The following MAP2K4 variants were observed in gnomAD, a reference collection of about 807,000 sequenced individuals.
The protein encoded by MAP2K4 is dual specificity mitogen-activated protein kinase kinase 4.
A neutral mutation model predicts 48.5 loss-of-function variants in MAP2K4; 4 were observed. The observed-to-expected ratio is 0.08, with a 90% CI of 0.04 to 0.19. MAP2K4 has a LOEUF of 0.19. Among genes scored for constraint, MAP2K4 ranks in the 10% least tolerant of loss-of-function variants. The pLI, the probability that MAP2K4 is intolerant of heterozygous loss-of-function variation, is 1.00. For missense variants in MAP2K4, 258 were observed against 493.3 expected, an observed-to-expected ratio of 0.52 and a Z score of 4.52; for synonymous variants, 166 against 173.1, an observed-to-expected ratio of 0.96 and a Z score of 0.32.
At chr17:12,125,218 A>T (rs552530500) in intron 7 of MAP2K4, 76 bp from the exon 8 acceptor site, 1 of 1,041,546 alleles carries the variant, frequency 9.6e-7, no homozygotes, top group African/African-American at 1.6e-5. Flanking sequence ...TTGGCTGTCT[A>T]CCCAGCTGTT....
At chr17:12,141,114 C>A in intron 10 of MAP2K4, 33 bp from the exon 11 acceptor site, 1 of 1,408,830 alleles carries the variant, frequency 7.1e-7, no homozygotes, top group Non-Finnish European at 1.0e-6. Context: ...GTCATACAAA[C>A]TTTTGACTTT....
At chr17:12,108,002 A>ATAT in intron 5 of MAP2K4, 93 bp downstream of exon 5, 1 of 1,134,752 alleles carries the variant, frequency 8.8e-7, no homozygotes, top group Non-Finnish European at 1.2e-6. Context: ...TGTCACTCAC[A>ATAT]GTACCTTCCT....
intron 1 of MAP2K4, among the ~76,000 whole-genome samples, chr17:12,045,858 A>T (rs1190497739): frequency 6.6e-6 from 1 of 152,198 alleles, no homozygotes; most frequent in Non-Finnish European, 1.5e-5. Context: ...TGATATACTC[A>T]CAAGTTCGAG....
intron 2 of MAP2K4, among the ~76,000 whole-genome samples, chr17:12,064,578 G>A (rs979125561): frequency 1.3e-5 from 2 of 152,196 alleles, no homozygotes; most frequent in Non-Finnish European, 2.9e-5. Flanking sequence ...CAATATCTTG[G>A]CAAATATGTG....
intron 4 of MAP2K4, 140 bp from the exon 5 acceptor site, chr17:12,107,650 A>T: frequency 1.3e-6 from 1 of 759,914 alleles, no homozygotes; most frequent in Non-Finnish European, 2.1e-6. Context: ...AGGCTTTAAC[A>T]AGAAAACAAA....
chr17:12,096,076 C>T lies in MAP2K4; in HGVS notation c.513+382C>T, dbSNP rs1454641401. On this transcript the variant is annotated intron_variant, in intron 4 of 10. Transcript: ENST00000353533. Reference sequence around the variant, plus strand: ...GGCCTTGAGCAACGCCTCCCCCCCCCCCCCCCCCCCCCGCCGCCAACTTTA... The same window carrying T: ...GGCCTTGAGCAACGCCTCCCCCCCCTCCCCCCCCCCCCGCCGCCAACTTTA... Among the ~76,000 whole-genome samples, 106 of 21,890 alleles carry T rather than the reference C, an allele frequency of 4.8e-3. 9 individuals carry two copies. Among genetic ancestry groups the T allele is most frequent in the Non-Finnish European group, 0.021 (91 of 4,372 alleles). 14.4% of individuals were successfully genotyped at this position (21,890 alleles called of 152,430 possible).
intron 5 of MAP2K4, 22 bp from the exon 6 acceptor site, chr17:12,110,353 C>A (rs374807171): frequency 3.2e-6 from 5 of 1,581,828 alleles, no homozygotes; most frequent in Non-Finnish European, 4.3e-6. Context: ...TTGTTTATCC[C>A]ATCTCTCCTT....
chr17:12,087,945 G>GAAGA (rs1257450622), intron 3 of MAP2K4, among the ~76,000 whole-genome samples: 1 of 151,990 alleles, frequency 6.6e-6, no homozygotes, highest in African/African-American at 2.4e-5. Context: ...GATCTATTTA[G>GAAGA]AAGACTCTAG....
At chr17:12,037,074 G>A (rs1969624707) in intron 1 of MAP2K4, among the ~76,000 whole-genome samples, 1 of 152,004 alleles carries the variant, frequency 6.6e-6, no homozygotes, top group Non-Finnish European at 1.5e-5. Flanking sequence ...CATAGCAACA[G>A]GATATTTATT....
At chr17:12,069,637 T>C in intron 2 of MAP2K4, 1 of 942,446 alleles carries the variant, frequency 1.1e-6, no homozygotes, top group Non-Finnish European at 1.3e-6. Flanking sequence ...CATTTTTCAG[T>C]TTTTCCTTTT....
intron 1 of MAP2K4, chr17:12,021,599 G>T (rs1401518281): frequency 7.3e-6 from 1 of 137,278 alleles, no homozygotes; most frequent in Non-Finnish European, 1.6e-5. Context: ...CAGGGTTTCT[G>T]TGCGCTGGAA....
At chr17:12,114,736 C>T (rs1480822598) in intron 7 of MAP2K4, among the ~76,000 whole-genome samples, 2 of 152,124 alleles carry the variant, frequency 1.3e-5, no homozygotes, top group Non-Finnish European at 2.9e-5. Context: ...TTGATTGAAG[C>T]AGGCTTTGAA....
At chr17:12,037,271 A>G (rs1969631442) in intron 1 of MAP2K4, among the ~76,000 whole-genome samples, 1 of 152,210 alleles carries the variant, frequency 6.6e-6, no homozygotes. Flanking sequence ...AAAGGAAACC[A>G]TAAAGAGGAA....
chr17:12,043,127 T>C (rs921924819), intron 1 of MAP2K4, among the ~76,000 whole-genome samples: 1 of 152,188 alleles, frequency 6.6e-6, no homozygotes, highest in African/African-American at 2.4e-5. Context: ...CTTGATAATA[T>C]TTTCATACCT....
chr17:12,091,562 AT>A (rs537858817), intron 3 of MAP2K4, among the ~76,000 whole-genome samples: 5 of 151,864 alleles, frequency 3.3e-5, no homozygotes, highest in Non-Finnish European at 5.9e-5. Flanking sequence ...GCTTTTTGGA[AT>A]TTTTTTTTAA....
intron 9 of MAP2K4, among the ~76,000 whole-genome samples, chr17:12,137,941 C>A (rs529456361): frequency 2.7e-4 from 41 of 151,478 alleles, no homozygotes; most frequent in African/African-American, 9.4e-4. Flanking sequence ...CTTTGTTTAT[C>A]ATCATTTATG....
chr17:12,040,594 T>G (rs1465457858), intron 1 of MAP2K4, among the ~76,000 whole-genome samples: 1 of 152,184 alleles, frequency 6.6e-6, no homozygotes, highest in Non-Finnish European at 1.5e-5. Flanking sequence ...CCTGCCAAAT[T>G]AAGATCAATC....
intron 8 of MAP2K4, 91 bp from the exon 9 acceptor site, chr17:12,129,048 G>A: frequency 8.0e-7 from 1 of 1,246,368 alleles, no homozygotes; most frequent in Non-Finnish European, 1.1e-6. Context: ...CTAGAGTTTT[G>A]CTTGTAGTTT....
At chr17:12,094,639 A>AT (rs1395634764) in intron 3 of MAP2K4, among the ~76,000 whole-genome samples, 3 of 151,772 alleles carry the variant, frequency 2.0e-5, no homozygotes, top group African/African-American at 4.9e-5. Context: ...TTTTATTATT[A>AT]TTTTTTTATA....
Sources: gnomAD v4.1 joint callset for allele counts (sites outside exome capture counted in the v4.1 genomes callset) on GRCh38, gnomAD v4.1.1 for gene constraint, MANE v1.5 for transcripts, NCBI Gene and HGNC (gene_info 2026-07-23, HGNC 2026-07-21) for gene names.